Variants in FAM117B observed in about 807,000 individuals in gnomAD.
FAM117B encodes family with sequence similarity 117 member B.
In FAM117B, 22 loss-of-function variants were observed where a neutral mutation model predicts 52.8. The observed-to-expected ratio is 0.42, with a 90% CI of 0.30 to 0.59. The LOEUF is 0.59. FAM117B is among the 20% of genes least tolerant of loss of function. The probability of loss-of-function intolerance (pLI) is 0.22; values close to 1 mark genes in which losing one functional copy is unlikely to be tolerated. For synonymous variants in FAM117B, 309 were observed against 324.1 expected, an observed-to-expected ratio of 0.95 and a Z score of 0.50; for missense variants, 678 against 802.6, an observed-to-expected ratio of 0.84 and a Z score of 1.88.
intron 2 of FAM117B, 127 bp from the exon 3 acceptor site, chr2:202,724,790 T>G: frequency 3.7e-6 from 2 of 538,612 alleles, no homozygotes; most frequent in East Asian, 3.7e-5. Context: ...TTTTGAGTAA[T>G]TTGTGTTAAT....
In FAM117B at chr2:202,656,387, A is replaced by G. The variant is rs750462495; in HGVS notation, c.601+20599A>G. Among the ~76,000 whole-genome samples, 101 of 152,168 alleles carry G rather than the reference A, an allele frequency of 6.6e-4. 1 individual carries two copies. Among genetic ancestry groups the G allele is most frequent in the Middle Eastern group, 3.2e-3 (1 of 316 alleles). ...CTAAGCAGTTGTTTAGCTGCATGTC[A>G]CAAAGTTTGATATGTATTTTCATTT... On this transcript the variant is annotated intron_variant, in intron 1 of 7. Coordinates refer to ENST00000392238, the MANE Select transcript of FAM117B (RefSeq NM_173511.4).
intron 1 of FAM117B, among the ~76,000 whole-genome samples, chr2:202,687,502 T>C (rs1380121416): frequency 6.6e-6 from 1 of 152,200 alleles, no homozygotes; most frequent in Non-Finnish European, 1.5e-5. Context: ...CTTGACCTGC[T>C]GGGCTCAAGC....
chr2:202,766,528 G>C lies in FAM117B; in HGVS notation c.*764G>C, dbSNP rs1458559089. 1.3e-5 allele frequency: 2 copies of C among 152,592 alleles called. No individual in the cohort carries two copies. The highest frequency in any genetic ancestry group is 6.3e-3 in the Middle Eastern group (2 of 316). The allele number at this position is 152,592 out of a possible 1,614,324, so 9.5% of individuals were successfully genotyped here. On this transcript the variant is annotated 3_prime_UTR_variant, in exon 8 of 8. Coordinates refer to ENST00000392238, the MANE Select transcript of FAM117B (RefSeq NM_173511.4). ...AACTGCTGTTTTCTTCACTACTCCT[G>C]TACACATTTCACCATGTGGTCAGAA...
At chr2:202,656,092 T>G (rs1690052698) in intron 1 of FAM117B, among the ~76,000 whole-genome samples, 1 of 152,176 alleles carries the variant, frequency 6.6e-6, no homozygotes, top group Non-Finnish European at 1.5e-5. Flanking sequence ...CATTCCTGAT[T>G]TGAATATTTG....
intron 2 of FAM117B, among the ~76,000 whole-genome samples, chr2:202,714,778 T>C (rs1003127587): frequency 6.6e-6 from 1 of 152,080 alleles, no homozygotes; most frequent in African/African-American, 2.4e-5. Flanking sequence ...ACAAAGCACA[T>C]CTTGCACCGC....
At chr2:202,689,156 T>A (rs994161581) in intron 1 of FAM117B, among the ~76,000 whole-genome samples, 1 of 152,188 alleles carries the variant, frequency 6.6e-6, no homozygotes, top group Non-Finnish European at 1.5e-5. Context: ...AAAGTGGTTT[T>A]CTGCCTGGGC....
chr2:202,747,648 A>G (rs927869944), intron 4 of FAM117B, among the ~76,000 whole-genome samples: 3 of 152,162 alleles, frequency 2.0e-5, no homozygotes, highest in Admixed American at 6.6e-5. Context: ...TAGTGTTTCT[A>G]TACACTCACA....
intron 7 of FAM117B, 43 bp downstream of exon 7, chr2:202,759,396 GC>G (rs750634564): frequency 4.4e-6 from 7 of 1,589,902 alleles, no homozygotes; most frequent in Non-Finnish European, 6.0e-6. Flanking sequence ...ACTATTATGA[GC>G]TTTTTTTTTT....
intron 7 of FAM117B, among the ~76,000 whole-genome samples, chr2:202,761,442 A>G (rs1193704886): frequency 2.6e-5 from 4 of 152,176 alleles, no homozygotes; most frequent in African/African-American, 9.7e-5. Context: ...AAGACCAGAG[A>G]GGTGTGTGTG....
intron 4 of FAM117B, among the ~76,000 whole-genome samples, chr2:202,745,725 C>CAT (rs1171951411): frequency 6.6e-6 from 1 of 152,128 alleles, no homozygotes; most frequent in African/African-American, 2.4e-5. Context: ...TGTAAAAACA[C>CAT]ATATTGATTT....
chr2:202,694,388 G>A (rs1351002796), intron 1 of FAM117B, among the ~76,000 whole-genome samples: 1 of 151,148 alleles, frequency 6.6e-6, no homozygotes, highest in African/African-American at 2.4e-5. Context: ...ACGGGGTTTC[G>A]CCATGTTGGC....
rs572280854 is a variant in FAM117B at position 202,718,784 on chromosome 2, A to G, written c.754-6133A>G. 3.3e-5 allele frequency among the ~76,000 whole-genome samples: 5 copies of G among 152,300 alleles called. No homozygotes were observed. The South Asian group carries it at 1.0e-3, about 32-fold the overall frequency. On this transcript the variant is annotated intron_variant, in intron 2 of 7. Coordinates refer to ENST00000392238, the MANE Select transcript of FAM117B (RefSeq NM_173511.4). ...GTTTGTTTGGAATGCTTTTCCCACC[A>G]TTTGACTGGATGACTCATACTCTGG...
chr2:202,641,801 G>C (rs944341936), intron 1 of FAM117B, among the ~76,000 whole-genome samples: 2 of 151,378 alleles, frequency 1.3e-5, no homozygotes, highest in African/African-American at 4.9e-5. Flanking sequence ...ACCACGCCCA[G>C]CTAACTTTTG....
chr2:202,635,648 G>C lies in FAM117B; in HGVS notation c.461G>C (p.Ser154Thr). 1.5e-6 allele frequency: 2 copies of C among 1,342,012 alleles called. No homozygotes were observed. The highest frequency in any genetic ancestry group is 3.2e-5 in the East Asian group (1 of 31,662). The allele number at this position is 1,342,012 out of a possible 1,614,324, so 83.1% of individuals were successfully genotyped here. The change falls in exon 1 of 8, where the codon AGC becomes ACC. Residue 154 changes from serine to threonine, a missense_variant. Physicochemically the swap from Ser to Thr is moderately conservative, Grantham distance 58. Transcript: ENST00000392238. ...CTGCTGGGCACCGTGTCGTCGCCCA[G>C]CTCGTCGCCCACCCACCTGTGGACC... is the stretch of plus-strand genomic sequence containing the variant. Reference protein sequence around the residue: ...PPLLGTVSSPSSSPTHLWTGE... With the variant: ...PPLLGTVSSPTSSPTHLWTGE...
intron 1 of FAM117B, among the ~76,000 whole-genome samples, chr2:202,655,713 A>AC (rs1185001757): frequency 2.3e-5 from 1 of 44,256 alleles, no homozygotes; most frequent in Non-Finnish European, 3.8e-5. Flanking sequence ...AGAGTGAGAG[A>AC]GAGAGAGAGA....
chr2:202,677,647 A>G (rs919212982), intron 1 of FAM117B, among the ~76,000 whole-genome samples: 1 of 152,206 alleles, frequency 6.6e-6, no homozygotes, highest in Non-Finnish European at 1.5e-5. Context: ...ACTAAGTGAC[A>G]AGTTACTTAA....
intron 2 of FAM117B, among the ~76,000 whole-genome samples, chr2:202,703,208 A>G (rs897869170): frequency 6.6e-6 from 1 of 152,216 alleles, no homozygotes; most frequent in Non-Finnish European, 1.5e-5. Flanking sequence ...GGCAGTTAAT[A>G]CTTAACCACT....
intron 1 of FAM117B, among the ~76,000 whole-genome samples, chr2:202,665,384 T>C (rs1458422076): frequency 6.6e-6 from 1 of 152,064 alleles, no homozygotes; most frequent in Non-Finnish European, 1.5e-5. Flanking sequence ...GAATCTTTTT[T>C]ACTTGCTCTT....
intron 1 of FAM117B, among the ~76,000 whole-genome samples, chr2:202,663,828 C>T (rs559482355): frequency 6.6e-6 from 1 of 152,324 alleles, no homozygotes; most frequent in African/African-American, 2.4e-5. Flanking sequence ...TGGTGATCTG[C>T]CCACCTCGGC....
Sources: gnomAD v4.1 joint callset for allele counts (sites outside exome capture counted in the v4.1 genomes callset) on GRCh38, gnomAD v4.1.1 for gene constraint, MANE v1.5 for transcripts, NCBI Gene and HGNC (gene_info 2026-07-23, HGNC 2026-07-21) for gene names.